METAP1D: variants seen among roughly 807,000 people sequenced by gnomAD.
The protein encoded by METAP1D is methionine aminopeptidase 1D, mitochondrial.
In METAP1D, 31 loss-of-function variants were observed where a neutral mutation model predicts 40.5. The observed-to-expected ratio is 0.77, with a 90% CI of 0.58 to 1.03. The LOEUF is 1.03. METAP1D is among the 50% of genes least tolerant of loss of function. METAP1D has a pLI of 0.00. For missense variants in METAP1D, 411 were observed against 420.7 expected (o/e 0.98, Z 0.20); for synonymous variants, 151 against 146.4 (o/e 1.03, Z -0.22).
intron 1 of METAP1D, among the ~76,000 whole-genome samples, chr2:172,011,074 G>A (rs538313363): frequency 1.6e-4 from 24 of 151,038 alleles, no homozygotes; most frequent in Admixed American, 1.5e-3. Flanking sequence ...AATCTTAACA[G>A]CTTTTTTGAG....
At position 172,079,780 on chromosome 2, in the gene METAP1D, TA is replaced by T. The variant is rs550384004; in HGVS notation, c.851-347del. Among the ~76,000 whole-genome samples the T allele has an allele frequency of 5.9e-4, 90 of 152,374 alleles. 2 individuals carry two copies. In the South Asian group the frequency reaches 0.018, roughly 30 times the overall value. ...CTCGAGCATGTTTTTAAAATTTAAA[TA>T]TTTTTTTAAAAATTGGTATTTATAA... is the stretch of plus-strand genomic sequence containing the variant. On this transcript the variant is annotated intron_variant, in intron 8 of 9. Transcript: ENST00000315796.
intron 1 of METAP1D, among the ~76,000 whole-genome samples, chr2:172,014,320 C>G (rs1295640782): frequency 6.6e-6 from 1 of 152,038 alleles, no homozygotes; most frequent in African/African-American, 2.4e-5. Flanking sequence ...CTATGTTGGC[C>G]AGGCTGGTCT....
intron 1 of METAP1D, among the ~76,000 whole-genome samples, chr2:172,037,136 C>T (rs1179840354): frequency 6.6e-6 from 1 of 152,070 alleles, no homozygotes; most frequent in Non-Finnish European, 1.5e-5. Context: ...GTGGTGCATA[C>T]CTATAATCCC....
intron 1 of METAP1D, among the ~76,000 whole-genome samples, chr2:172,036,190 G>T (rs12988675): frequency 6.7e-6 from 1 of 149,694 alleles, no homozygotes; most frequent in Non-Finnish European, 1.5e-5. Context: ...GGTGGCGGGT[G>T]CCTGTAGTCC....
At chr2:172,062,918 T>TATAGTTTGTAATGCATTATAAACTATAA (rs2105477329) in intron 2 of METAP1D, among the ~76,000 whole-genome samples, 1 of 152,350 alleles carries the variant, frequency 6.6e-6, no homozygotes, top group South Asian at 2.1e-4. Context: ...CAATAATGCT[T>TATAGTTTGTAATGCATTATAAACTATAA]ATAGTTTGTA....
At chr2:172,063,598 G>A (rs950050139) in intron 2 of METAP1D, 113 bp from the exon 3 acceptor site, 4 of 813,316 alleles carry the variant, frequency 4.9e-6, no homozygotes, top group Middle Eastern at 3.3e-4. Context: ...TTCGGAGGTC[G>A]GTGCTCCGGC....
rs1689119734 is a variant in METAP1D at position 172,026,299 on chromosome 2, A to G, written c.40+26290A>G. On this transcript the variant is annotated intron_variant, in intron 1 of 9. Transcript: ENST00000315796. Reference sequence around the variant, plus strand: ...TTTTTTCCCCTCCTGTTTCCTGCAAATTGGTGGTTCCATCACTTCCCTCCT... The same window carrying G: ...TTTTTTCCCCTCCTGTTTCCTGCAAGTTGGTGGTTCCATCACTTCCCTCCT... Among the ~76,000 whole-genome samples the G allele has an allele frequency of 2.0e-5, 3 of 151,794 alleles. No homozygotes were observed. In the South Asian group the frequency reaches 6.2e-4, roughly 31 times the overall value.
intron 1 of METAP1D, among the ~76,000 whole-genome samples, chr2:172,037,939 C>T (rs188391644): frequency 1.5e-3 from 236 of 152,316 alleles, no homozygotes; most frequent in Middle Eastern, 0.01. Flanking sequence ...CATGAGAATC[C>T]TGGCTCTGGG....
At chr2:172,060,939 C>A (rs1226353086) in intron 1 of METAP1D, among the ~76,000 whole-genome samples, 1 of 152,194 alleles carries the variant, frequency 6.6e-6, no homozygotes, top group Non-Finnish European at 1.5e-5. Context: ...ACCCTATATT[C>A]ATTTTCTTTC....
In METAP1D at chr2:171,999,992, A is replaced by C; in HGVS notation, c.23A>C (p.His8Pro). MAAPSGV[H>P]LLVRRGSHRI... Reference sequence around the variant, plus strand: ...AACATGGCGGCGCCCAGTGGCGTCCACCTGCTCGTCCGCAGAGGTAAGCGC... The same window carrying C: ...AACATGGCGGCGCCCAGTGGCGTCCCCCTGCTCGTCCGCAGAGGTAAGCGC... Residue 8 changes from histidine (H) to proline (P), a missense_variant, in exon 1 of 10, where the codon CAC becomes CCC. By Grantham distance (77) the His-to-Pro change is moderately conservative (BLOSUM62 -2). Coordinates refer to ENST00000315796, the MANE Select transcript of METAP1D (RefSeq NM_199227.3). 7.4e-7 allele frequency: 1 copy of C among 1,344,706 alleles called. No homozygotes were observed. The highest frequency in any genetic ancestry group is 9.6e-7 in the Non-Finnish European group (1 of 1,040,242). The allele number at this position is 1,344,706 out of a possible 1,614,324, so 83.3% of individuals were successfully genotyped here.
intron 1 of METAP1D, among the ~76,000 whole-genome samples, chr2:172,047,648 T>C (rs1008676973): frequency 7.2e-5 from 11 of 152,234 alleles, no homozygotes; most frequent in African/African-American, 1.2e-4. Flanking sequence ...TGCCCCAGGC[T>C]GGCCTTGAAC....
intron 1 of METAP1D, among the ~76,000 whole-genome samples, chr2:172,037,093 C>G (rs1404982573): frequency 6.6e-6 from 1 of 152,106 alleles, no homozygotes; most frequent in Non-Finnish European, 1.5e-5. Context: ...AACCCTGTCT[C>G]TACTAAAAAT....
chr2:172,028,411 C>A (rs965173669), intron 1 of METAP1D, among the ~76,000 whole-genome samples: 1 of 152,062 alleles, frequency 6.6e-6, no homozygotes, highest in African/African-American at 2.4e-5. Context: ...GCCCTCAAGG[C>A]CATAATGGGA....
intron 6 of METAP1D, among the ~76,000 whole-genome samples, chr2:172,072,060 C>T (rs1014880550): frequency 6.6e-6 from 1 of 152,074 alleles, no homozygotes; most frequent in African/African-American, 2.4e-5. Flanking sequence ...AGACTTTGAA[C>T]AAAATTGTGT....
chr2:172,071,724 C>G (rs1012117155), intron 6 of METAP1D, among the ~76,000 whole-genome samples: 8 of 151,944 alleles, frequency 5.3e-5, no homozygotes, highest in African/African-American at 1.9e-4. Context: ...CTTTTTTCCC[C>G]CATAACTGTT....
chr2:172,071,142 G>A (rs1207142398), intron 6 of METAP1D, 72 bp downstream of exon 6: 1 of 1,308,106 alleles, frequency 7.6e-7, no homozygotes, highest in Non-Finnish European at 1.0e-6. Flanking sequence ...TTGGTATAAA[G>A]TTGATGACAT....
chr2:172,060,057 AAGAAACC>A (rs1388351220), intron 1 of METAP1D, among the ~76,000 whole-genome samples: 3 of 152,126 alleles, frequency 2.0e-5, no homozygotes, highest in East Asian at 1.9e-4. Context: ...TCTCAAAAAA[AAGAAACC>A]AAAAAACAAA....
At position 172,045,089 on chromosome 2, in the gene METAP1D, A is replaced by G. The variant is rs1689707063; in HGVS notation, c.41-16409A>G. On this transcript the variant is annotated intron_variant, in intron 1 of 9. Coordinates refer to ENST00000315796, the MANE Select transcript of METAP1D (RefSeq NM_199227.3). ...TTAACATTAAACTGTTGGTAAAGGT[A>G]TAGGAAATAGGCATCATTAGGAAGA... Among the ~76,000 whole-genome samples the G allele has an allele frequency of 3.0e-5, 4 of 134,620 alleles. 1 individual carries two copies. Among genetic ancestry groups the G allele is most frequent in the Admixed American group, 2.2e-4 (3 of 13,504 alleles). 88.3% of individuals were successfully genotyped at this position (134,620 alleles called of 152,430 possible).
intron 1 of METAP1D, among the ~76,000 whole-genome samples, chr2:172,041,767 T>TATATATATATATATATA (rs1689538431): frequency 2.4e-5 from 2 of 83,668 alleles, no homozygotes; most frequent in African/African-American, 3.6e-5. Context: ...TATATATATA[T>TATATATATATATATATA]TTCATCCCCC....
Sources: gnomAD v4.1 joint callset for allele counts (sites outside exome capture counted in the v4.1 genomes callset) on GRCh38, gnomAD v4.1.1 for gene constraint, MANE v1.5 for transcripts, NCBI Gene and HGNC (gene_info 2026-07-23, HGNC 2026-07-21) for gene names.